SLC35F4: variants seen among roughly 807,000 people sequenced by gnomAD.
The protein encoded by SLC35F4 is chromosome 14 open reading frame 36.
SLC35F4 carries 24 observed loss-of-function variants against 44.2 expected under a neutral mutation model. The observed-to-expected ratio is 0.54, with a 90% CI of 0.39 to 0.76. SLC35F4 has a LOEUF of 0.76. SLC35F4 is among the 30% of genes least tolerant of loss of function. The probability of loss-of-function intolerance (pLI) is 0.00; values close to 1 mark genes in which losing one functional copy is unlikely to be tolerated. For missense variants in SLC35F4, 562 were observed against 586.1 expected, an observed-to-expected ratio of 0.96 and a Z score of 0.42; for synonymous variants, 238 against 223.6, an observed-to-expected ratio of 1.06 and a Z score of -0.57.
chr14:57,914,299 C>T (rs1040011039), intron 1 of SLC35F4, among the ~76,000 whole-genome samples: 2 of 151,950 alleles, frequency 1.3e-5, no homozygotes, highest in African/African-American at 4.8e-5. Context: ...CATGGTGGCT[C>T]ACGCCTGTAA....
chr14:57,974,548 G>C (rs535324819), downstream of SLC35F4, among the ~76,000 whole-genome samples: 4 of 152,246 alleles, frequency 2.6e-5, no homozygotes, highest in African/African-American at 7.2e-5. Context: ...TGCTTGCTTA[G>C]ATCCAAGGGA....
At chr14:57,602,838 TCTATCC>T (rs2070911069) in intron 1 of SLC35F4, among the ~76,000 whole-genome samples, 1 of 152,226 alleles carries the variant, frequency 6.6e-6, no homozygotes, top group Non-Finnish European at 1.5e-5. Flanking sequence ...CTTGCTTGTT[TCTATCC>T]CTTCAGACCC....
chr14:57,568,468 G>T (rs1191379455), intron 6 of SLC35F4, among the ~76,000 whole-genome samples: 1 of 152,024 alleles, frequency 6.6e-6, no homozygotes, highest in Non-Finnish European at 1.5e-5. Flanking sequence ...AGGATGTTTT[G>T]GTCTTACAGA....
chr14:57,941,266 A>G (rs1269059511), intron 1 of SLC35F4, among the ~76,000 whole-genome samples: 1 of 152,254 alleles, frequency 6.6e-6, no homozygotes, highest in Non-Finnish European at 1.5e-5. Context: ...TATTCACAAT[A>G]GCCAAAGATG....
At chr14:57,640,125 G>A (rs1382539386) in intron 1 of SLC35F4, among the ~76,000 whole-genome samples, 1 of 151,928 alleles carries the variant, frequency 6.6e-6, no homozygotes, top group Non-Finnish European at 1.5e-5. Context: ...AGGGAAGAGA[G>A]GGTTAAAGTT....
chr14:57,876,669 G>A (rs1888406062), intron 1 of SLC35F4, among the ~76,000 whole-genome samples: 1 of 152,160 alleles, frequency 6.6e-6, no homozygotes, highest in African/African-American at 2.4e-5. Context: ...AATGGATTGA[G>A]AAATGCATGT....
chr14:57,716,950 A>T (rs947502598), intron 1 of SLC35F4, among the ~76,000 whole-genome samples: 3 of 152,156 alleles, frequency 2.0e-5, no homozygotes, highest in Non-Finnish European at 2.9e-5. Context: ...TAGCTTCCAC[A>T]TATGAGTGAG....
At chr14:57,897,581 C>T (rs1000760176) in intron 1 of SLC35F4, among the ~76,000 whole-genome samples, 4 of 151,936 alleles carry the variant, frequency 2.6e-5, no homozygotes, top group Non-Finnish European at 5.9e-5. Context: ...ATGCACGATC[C>T]AGCAGTCCCA....
At chr14:57,587,688 G>C (rs535935729) in intron 3 of SLC35F4, among the ~76,000 whole-genome samples, 1 of 152,204 alleles carries the variant, frequency 6.6e-6, no homozygotes, top group African/African-American at 2.4e-5. Context: ...GGGTTAATGG[G>C]TGTAGCAAAC....
intron 1 of SLC35F4, among the ~76,000 whole-genome samples, chr14:57,691,395 A>T (rs2075227777): frequency 6.6e-6 from 1 of 152,214 alleles, no homozygotes; most frequent in Non-Finnish European, 1.5e-5. Flanking sequence ...AAAGGATTTT[A>T]TACATGTTAT....
chr14:57,847,631 T>C (rs761732354), intron 1 of SLC35F4, among the ~76,000 whole-genome samples: 6 of 152,188 alleles, frequency 3.9e-5, no homozygotes, highest in East Asian at 1.9e-4. Flanking sequence ...CAATATAACA[T>C]ACATACAGAA....
intron 1 of SLC35F4, among the ~76,000 whole-genome samples, chr14:57,648,369 G>T (rs1258266808): frequency 6.6e-6 from 1 of 152,070 alleles, no homozygotes; most frequent in Non-Finnish European, 1.5e-5. Flanking sequence ...AAGAGATATA[G>T]CTACTAACAC....
intron 1 of SLC35F4, among the ~76,000 whole-genome samples, chr14:57,601,102 A>G (rs2070800302): frequency 6.7e-6 from 1 of 150,062 alleles, no homozygotes; most frequent in Admixed American, 6.6e-5. Flanking sequence ...TAATAAATAA[A>G]TATGTTTTAA....
At chr14:57,906,074 G>T (rs1268734696) in intron 1 of SLC35F4, among the ~76,000 whole-genome samples, 1 of 152,172 alleles carries the variant, frequency 6.6e-6, no homozygotes, top group East Asian at 1.9e-4. Flanking sequence ...TAGGCATGAG[G>T]ACAGTGTGCA....
At chr14:57,737,431 G>T (rs2076494510) in intron 1 of SLC35F4, among the ~76,000 whole-genome samples, 1 of 152,110 alleles carries the variant, frequency 6.6e-6, no homozygotes, top group Admixed American at 6.5e-5. Context: ...ATATAAGCTT[G>T]CCATCATCTT....
intron 1 of SLC35F4, among the ~76,000 whole-genome samples, chr14:57,702,996 A>G (rs891256617): frequency 6.6e-6 from 1 of 152,128 alleles, no homozygotes; most frequent in Non-Finnish European, 1.5e-5. Flanking sequence ...CATATTCTTT[A>G]TATCAAGCTA....
intron 1 of SLC35F4, among the ~76,000 whole-genome samples, chr14:57,748,820 T>C (rs191466882): frequency 1.6e-3 from 240 of 152,286 alleles, no homozygotes; most frequent in African/African-American, 5.4e-3. Flanking sequence ...AGAAAAGCCA[T>C]GTGTATAGCT....
chr14:57,636,122 T>A (rs890416032), intron 1 of SLC35F4, among the ~76,000 whole-genome samples: 5 of 152,068 alleles, frequency 3.3e-5, no homozygotes, highest in Non-Finnish European at 5.9e-5. Flanking sequence ...AATTAGACAA[T>A]GGAGACATTA....
At chr14:57,632,091 G>C (rs377260735) in intron 1 of SLC35F4, among the ~76,000 whole-genome samples, 2 of 151,932 alleles carry the variant, frequency 1.3e-5, no homozygotes, top group East Asian at 3.9e-4. Flanking sequence ...TTTCTTTACT[G>C]TTTGCAGTTA....
Sources: allele counts gnomAD v4.1 joint callset (sites outside exome capture counted in the v4.1 genomes callset), GRCh38; gene constraint gnomAD v4.1.1; transcripts MANE v1.5; gene names NCBI Gene and HGNC (gene_info 2026-07-23, HGNC 2026-07-21).